Variants in POU4F1 observed in about 807,000 individuals in gnomAD.
POU4F1 encodes the protein POU class 4 homeobox 1.
In POU4F1, 5 loss-of-function variants were observed where a neutral mutation model predicts 19.8. That is an observed-to-expected ratio of 0.25 (90% CI 0.13 to 0.53). The LOEUF (loss-of-function observed/expected upper bound fraction) is 0.53, where lower values mean the gene tolerates loss of function less well. Ranked by LOEUF, POU4F1 falls within the 20% of genes least tolerant of loss-of-function variation. The probability of loss-of-function intolerance (pLI) is 0.96; values close to 1 mark genes in which losing one functional copy is unlikely to be tolerated. For missense variants in POU4F1, 408 were observed against 511.6 expected (o/e 0.80, Z 1.95); for synonymous variants, 266 against 247.7 (o/e 1.07, Z -0.69).
chr13:78,602,201 G>A lies in POU4F1; in HGVS notation c.474C>T (p.Gly158=), dbSNP rs1414872093. The A allele has an allele frequency of 8.2e-6, 3 of 365,658 alleles. No homozygotes were observed. The highest frequency in any genetic ancestry group is 7.2e-6 in the Non-Finnish European group (2 of 277,884). 22.7% of individuals were successfully genotyped at this position (365,658 alleles called of 1,614,324 possible). The part of the protein sequence containing the change: ...GGGGGPGGGG[G]PGGGPGGGGG... ...CGCCTCCCCCGGGGCCGCCGCCCGG[G>A]CCGCCGCCGCCGCCCGGGCCGCCAC... The change falls in exon 2 of 2, where the codon GGC becomes GGT. Residue 158 remains glycine, a synonymous_variant. Coordinates refer to ENST00000377208, the MANE Select transcript of POU4F1 (RefSeq NM_006237.4).
intron 1 of POU4F1, 72 bp downstream of exon 1, chr13:78,603,132 C>T (rs1874780567): frequency 8.2e-7 from 1 of 1,212,188 alleles, no homozygotes; most frequent in Non-Finnish European, 1.1e-6. Flanking sequence ...CACACCAGCC[C>T]CCGACATGCA....
Position 78,601,979 on chromosome 13 carries a change from CGCT to C in POU4F1, c.693_695del (p.Ala237del), listed in dbSNP as rs1434082285. The stretch of plus-strand genomic sequence containing the variant: ...CCACCTGCCCGGCCGCCGCCGCCGC[CGCT>C]GCCGCTGCCGCGCCGTGGTGCGCCG... On this transcript the variant is annotated inframe_deletion, in exon 2 of 2. Coordinates refer to ENST00000377208, the MANE Select transcript of POU4F1 (RefSeq NM_006237.4). 1.0e-5 allele frequency: 10 copies of C among 969,948 alleles called. No individual in the cohort carries two copies. The highest frequency in any genetic ancestry group is 2.0e-4 in the East Asian group (2 of 10,256). The allele number at this position is 969,948 out of a possible 1,614,324, so 60.1% of individuals were successfully genotyped here.
Position 78,602,452 on chromosome 13 carries a change from G to A in POU4F1, c.223C>T (p.Pro75Ser). ...DIAVSQGKSH[P>S]FKPDATYHTM... Reference sequence around the variant, plus strand: ...TGGTACGTGGCGTCCGGCTTGAAAGGATGGCTCTTGCCCTGGGACACGGCG... The same window carrying A: ...TGGTACGTGGCGTCCGGCTTGAAAGAATGGCTCTTGCCCTGGGACACGGCG... Residue 75 changes from proline to serine, a missense_variant, in exon 2 of 2, where the codon CCT (proline) becomes TCT (serine). Pro to Ser is a moderately conservative substitution (Grantham distance 74, BLOSUM62 -1). This residue lies in a region of POU4F1 where 294 missense variants were observed against 288.2 expected (regional missense o/e 1.02). Transcript: ENST00000377208. 3 of 1,601,574 alleles carry A rather than the reference G, an allele frequency of 1.9e-6. No homozygotes were observed. The highest frequency in any genetic ancestry group is 2.6e-6 in the Non-Finnish European group (3 of 1,175,496).
chr13:78,601,055 C>T lies in POU4F1; in HGVS notation c.*360G>A. 1 of 298,088 alleles carries T rather than the reference C, an allele frequency of 3.4e-6. No individual in the cohort carries two copies. The highest frequency in any genetic ancestry group is 6.3e-6 in the Non-Finnish European group (1 of 158,686). The allele number at this position is 298,088 out of a possible 1,614,324, so 18.5% of individuals were successfully genotyped here. On this transcript the variant is annotated 3_prime_UTR_variant, in exon 2 of 2. Transcript: ENST00000377208. Reference sequence around the variant, plus strand: ...GTAAGTGTCTCTGGTCAGAAACAGTCCATTTTCCTACCCTTCCCGCGTCTC... The same window carrying T: ...GTAAGTGTCTCTGGTCAGAAACAGTTCATTTTCCTACCCTTCCCGCGTCTC...
Position 78,601,277 on chromosome 13 carries a change from AAG to A in POU4F1, c.*136_*137del. The A allele has an allele frequency of 1.4e-6, 2 of 1,384,312 alleles. No individual in the cohort carries two copies. The highest frequency in any genetic ancestry group is 1.9e-6 in the Non-Finnish European group (2 of 1,041,178). 85.8% of individuals were successfully genotyped at this position (1,384,312 alleles called of 1,614,324 possible). A position where few individuals can be genotyped will look rare whatever the true frequency, so the allele number is the denominator to read the frequency against. ...GGAAAATCAGAGAATGGGTGGAGGAAAGAGAGCGAGAAGGGACTCCCCAAATG... is the reference window on the plus strand; with the variant it reads ...GGAAAATCAGAGAATGGGTGGAGGAAAGAGCGAGAAGGGACTCCCCAAATG... On this transcript the variant is annotated 3_prime_UTR_variant, in exon 2 of 2. Transcript: ENST00000377208.
rs1246187979 is a variant in POU4F1 at position 78,598,480 on chromosome 13, TTTAACA to T, written c.*2929_*2934del. The T allele has an allele frequency of 7.9e-5, 12 of 152,162 alleles. No individual in the cohort carries two copies. Among genetic ancestry groups the T allele is most frequent in the Admixed American group, 7.2e-4 (11 of 15,280 alleles). The allele number at this position is 152,162 out of a possible 1,614,324, so 9.4% of individuals were successfully genotyped here. On this transcript the variant is annotated 3_prime_UTR_variant, in exon 2 of 2. Coordinates refer to ENST00000377208, the MANE Select transcript of POU4F1 (RefSeq NM_006237.4). ...AAAAATACCTCTAGTGCTTTTTTTT[TTTAACA>T]TTAACAACTGTTTAAAATCGCAGCT...
rs1566267712 is a variant in POU4F1, at chr13:78,602,218, GGCC to G, written c.454_456del (p.Gly152del). The G allele has an allele frequency of 4.6e-6, 4 of 863,056 alleles. No homozygotes were observed. The African/African-American group carries it at 7.6e-5, about 16-fold the overall frequency. 53.5% of individuals were successfully genotyped at this position (863,056 alleles called of 1,614,324 possible). A position where few individuals can be genotyped will look rare whatever the true frequency, so the allele number is the denominator to read the frequency against. ...CCGCCCGGGCCGCCGCCGCCGCCCG[GGCC>G]GCCACCGCCCCCCGGGCCGTCGTGG... is the stretch of plus-strand genomic sequence containing the variant. On this transcript the variant is annotated inframe_deletion, in exon 2 of 2. Transcript: ENST00000377208.
Position 78,603,195 on chromosome 13 carries a change from G to A in POU4F1, c.123+9C>T. ...GCGCGGGCCGGGGCCGCGGGCGTGG[G>A]GCGCTTACCGGCGGCGTGGGCAGGC... On this transcript the variant is annotated intron_variant, in intron 1 of 1. Transcript: ENST00000377208. The A allele has an allele frequency of 1.3e-6, 2 of 1,511,352 alleles. No homozygotes were observed. The highest frequency in any genetic ancestry group is 8.9e-7 in the Non-Finnish European group (1 of 1,129,900). The allele number at this position is 1,511,352 out of a possible 1,614,324, so 93.6% of individuals were successfully genotyped here.
Position 78,602,258 on chromosome 13 carries a change from G to A in POU4F1, c.417C>T (p.Gly139=), listed in dbSNP as rs1013723680. The stretch of plus-strand genomic sequence containing the variant: ...CCGGGCCGTCGTGGGCGCCGCCGCC[G>A]CCGGCCGCCGCGCCCGCGCCGCCCG... ...AGAGGAGAAA[G]GGGAHDGPGG... Residue 139 remains glycine (G), a synonymous_variant, in exon 2 of 2, where the codon GGC becomes GGT. Coordinates refer to ENST00000377208, the MANE Select transcript of POU4F1 (RefSeq NM_006237.4). 35 of 1,031,740 alleles carry A rather than the reference G, an allele frequency of 3.4e-5. No homozygotes were observed. In the African/African-American group the frequency reaches 5.9e-4, roughly 17 times the overall value. The allele number at this position is 1,031,740 out of a possible 1,614,324, so 63.9% of individuals were successfully genotyped here. A position where few individuals can be genotyped will look rare whatever the true frequency, so the allele number is the denominator to read the frequency against.
Position 78,600,480 on chromosome 13 carries a change from A to G in POU4F1, c.*935T>C, listed in dbSNP as rs2137400461. ...TCGAAGCTCCGGAATTCTGCTTTTT[A>G]GTAGCTCAAAGACTATGCCCTTCTC... On this transcript the variant is annotated 3_prime_UTR_variant, in exon 2 of 2. Coordinates refer to ENST00000377208, the MANE Select transcript of POU4F1 (RefSeq NM_006237.4). 6.6e-6 allele frequency: 1 copy of G among 152,298 alleles called. No homozygotes were observed. Among genetic ancestry groups the G allele is most frequent in the South Asian group, 2.1e-4 (1 of 4,824 alleles). 9.4% of individuals were successfully genotyped at this position (152,298 alleles called of 1,614,324 possible). A position where few individuals can be genotyped will look rare whatever the true frequency, so the allele number is the denominator to read the frequency against.
In POU4F1 at chr13:78,601,409, G is replaced by T. The variant is rs1373061410; in HGVS notation, c.*6C>A. ...ATTCTGTCCCGCCCGACACCTCCCA[G>T]CCCCCTCAGTAAGTGGCAGAGAATT... On this transcript the variant is annotated 3_prime_UTR_variant, in exon 2 of 2. Transcript: ENST00000377208. The T allele has an allele frequency of 6.2e-7, 1 of 1,613,314 alleles. No homozygotes were observed. The highest frequency in any genetic ancestry group is 1.3e-5 in the African/African-American group (1 of 74,942).
rs1874627799 is a variant in POU4F1, at chr13:78,599,868, G to GGTT, written c.*1546_*1547insAAC. ...TCCACCAGCAGCTTGTAAGGTACCT[G>GGTT]ATTATTACTATGAAATACTATACAT... is the stretch of plus-strand genomic sequence containing the variant. On this transcript the variant is annotated 3_prime_UTR_variant, in exon 2 of 2. Transcript: ENST00000377208. 2 of 152,710 alleles carry GGTT rather than the reference G, an allele frequency of 1.3e-5. No homozygotes were observed. Among genetic ancestry groups the GGTT allele is most frequent in the East Asian group, 1.9e-4 (1 of 5,184 alleles). The allele number at this position is 152,710 out of a possible 1,614,324, so 9.5% of individuals were successfully genotyped here.
In POU4F1 at chr13:78,601,682, C is replaced by T; in HGVS notation, c.993G>A (p.Ala331=). ...GGGCGCCCTCGGCCTCCTCGAGCCA[C>T]GCCTGCAGGATGGGCTTGAGCGCGA... The part of the protein sequence containing the change: ...NMIALKPILQ[A]WLEEAEGAQR... The change falls in exon 2 of 2, where the codon GCG becomes GCA. Residue 331 remains alanine (A), a synonymous_variant. Transcript: ENST00000377208. The T allele has an allele frequency of 1.2e-6, 2 of 1,613,956 alleles. No individual in the cohort carries two copies. The highest frequency in any genetic ancestry group is 8.5e-7 in the Non-Finnish European group (1 of 1,179,982).
rs1874656554 is a variant in POU4F1, at chr13:78,600,700, TG to T, written c.*714del. 6.6e-6 allele frequency: 1 copy of T among 152,320 alleles called. No individual in the cohort carries two copies. The highest frequency in any genetic ancestry group is 1.5e-5 in the Non-Finnish European group (1 of 68,218). 9.4% of individuals were successfully genotyped at this position (152,320 alleles called of 1,614,324 possible). A position where few individuals can be genotyped will look rare whatever the true frequency, so the allele number is the denominator to read the frequency against. ...ACGGAGGAAATAAAGAGGATATGGA[TG>T]GGGTGGAGGTGAGAGAGGGAAAAAT... On this transcript the variant is annotated 3_prime_UTR_variant, in exon 2 of 2. Coordinates refer to ENST00000377208, the MANE Select transcript of POU4F1 (RefSeq NM_006237.4).
chr13:78,601,030 G>GT lies in POU4F1; in HGVS notation c.*384dup, dbSNP rs1356475595. ...GTTCCTTGGTCCCCAGGATATTTAG[G>GT]TAAGTGTCTCTGGTCAGAAACAGTC... is the stretch of plus-strand genomic sequence containing the variant. On this transcript the variant is annotated 3_prime_UTR_variant, in exon 2 of 2. Transcript: ENST00000377208. 3 of 221,958 alleles carry GT rather than the reference G, an allele frequency of 1.4e-5. No individual in the cohort carries two copies. Among genetic ancestry groups the GT allele is most frequent in the East Asian group, 1.1e-4 (1 of 8,986 alleles). The allele number at this position is 221,958 out of a possible 1,614,324, so 13.7% of individuals were successfully genotyped here. A position where few individuals can be genotyped will look rare whatever the true frequency, so the allele number is the denominator to read the frequency against.
chr13:78,603,489 C>G lies in POU4F1; in HGVS notation c.-163G>C. ...TGCTGCTGCTCCTGCTGCTGCCAGGCGCTCCCTCTGACCGCGCAGAGCGCC... is the reference window on the plus strand; with the variant it reads ...TGCTGCTGCTCCTGCTGCTGCCAGGGGCTCCCTCTGACCGCGCAGAGCGCC... On this transcript the variant is annotated 5_prime_UTR_variant, in exon 1 of 2. Transcript: ENST00000377208. 8.6e-7 allele frequency: 1 copy of G among 1,163,458 alleles called. No individual in the cohort carries two copies. Among genetic ancestry groups the G allele is most frequent in the Non-Finnish European group, 1.1e-6 (1 of 926,614 alleles). The allele number at this position is 1,163,458 out of a possible 1,614,324, so 72.1% of individuals were successfully genotyped here.
Position 78,602,274 on chromosome 13 carries a change from G to A in POU4F1, c.401C>T (p.Ala134Val). 1 of 1,183,664 alleles carries A rather than the reference G, an allele frequency of 8.4e-7. No homozygotes were observed. Among genetic ancestry groups the A allele is most frequent in the Admixed American group, 4.6e-5 (1 of 21,764 alleles). 73.3% of individuals were successfully genotyped at this position (1,183,664 alleles called of 1,614,324 possible). Residue 134 changes from alanine (A) to valine (V), a missense_variant, in exon 2 of 2, where the codon GCG becomes GTG. By Grantham distance (64) the Ala-to-Val change is moderately conservative. Coordinates refer to ENST00000377208, the MANE Select transcript of POU4F1 (RefSeq NM_006237.4). ...GCCGCCGCCGCCGGCCGCCGCGCCC[G>A]CGCCGCCCGCGCCGGCCATGAGCGC... ...SLALMAGAGG[A>V]GAAAGGGGAH...
rs1874706045 is a variant in POU4F1 at position 78,601,791 on chromosome 13, T to C, written c.884A>G (p.Asn295Ser). 1.2e-6 allele frequency: 2 copies of C among 1,613,130 alleles called. No individual in the cohort carries two copies. The highest frequency in any genetic ancestry group is 1.7e-6 in the Non-Finnish European group (2 of 1,179,870). Residue 295 changes from asparagine to serine, a missense_variant, in exon 2 of 2, where the codon AAC (asparagine) becomes AGC (serine). Asn to Ser is a conservative substitution (Grantham distance 46). This residue lies in a region of POU4F1 where 40 missense variants were observed against 100.7 expected (regional missense o/e 0.40). Transcript: ENST00000377208. Reference protein sequence around the residue: ...TQADVGSALANLKIPGVGSLS... With the variant: ...TQADVGSALASLKIPGVGSLS... Reference sequence around the variant, plus strand: ...TGAGCCCACGCCCGGGATCTTGAGGTTGGCCAGCGCCGAGCCCACGTCGGC... The same window carrying C: ...TGAGCCCACGCCCGGGATCTTGAGGCTGGCCAGCGCCGAGCCCACGTCGGC...
Position 78,602,346 on chromosome 13 carries a change from G to T in POU4F1, c.329C>A (p.Ala110Glu). The T allele has an allele frequency of 1.4e-6, 2 of 1,460,542 alleles. No homozygotes were observed. The highest frequency in any genetic ancestry group is 1.3e-5 in the South Asian group (1 of 74,814). 90.5% of individuals were successfully genotyped at this position (1,460,542 alleles called of 1,614,324 possible). Residue 110 changes from alanine to glutamate, a missense_variant, in exon 2 of 2, where the codon GCG becomes GAG. This residue lies in a region of POU4F1 where 294 missense variants were observed against 288.2 expected (regional missense o/e 1.02). Transcript: ENST00000377208. Reference protein sequence around the residue: ...HHHHHHHHHQALEPGDLLDHI... With the variant: ...HHHHHHHHHQELEPGDLLDHI... ...GTCCAGCAGATCGCCGGGTTCGAGCGCCTGGTGGTGGTGGTGGTGGTGGTG... is the reference window on the plus strand; with the variant it reads ...GTCCAGCAGATCGCCGGGTTCGAGCTCCTGGTGGTGGTGGTGGTGGTGGTG...
Sources: allele counts gnomAD v4.1 joint callset, GRCh38; gene constraint gnomAD v4.1.1; regional missense constraint gnomAD v4.1.1; transcripts MANE v1.5; gene names NCBI Gene and HGNC (gene_info 2026-07-23, HGNC 2026-07-21).